ANKRD31: variants seen among roughly 807,000 people sequenced by gnomAD.
ANKRD31 encodes ankyrin repeat domain 31.
ANKRD31 carries 147 observed loss-of-function variants against 186.0 expected under a neutral mutation model. The ratio of observed to expected loss-of-function variants is 0.79; its 90% CI spans 0.69 to 0.91. ANKRD31 has a LOEUF of 0.91. Among genes scored for constraint, ANKRD31 ranks in the 40% least tolerant of loss-of-function variants. The probability of loss-of-function intolerance (pLI) is 0.00; values close to 1 mark genes in which losing one functional copy is unlikely to be tolerated. For synonymous variants in ANKRD31, 673 were observed against 736.4 expected (o/e 0.91, Z 1.39); for missense variants, 1,986 against 2,148.8 (o/e 0.92, Z 1.50).
rs1180434212 is a variant in ANKRD31 at position 75,146,949 on chromosome 5, ACTT to A, written c.2459_2461del (p.Glu820del). The stretch of plus-strand genomic sequence containing the variant: ...AACAGATTCTAATTCCAAGCATTGA[ACTT>A]CTTGACTATCTGATAAATCCAGGTT... On this transcript the variant is annotated inframe_deletion, in exon 14 of 26. Coordinates refer to ENST00000506364, the MANE Select transcript of ANKRD31 (RefSeq NM_001372053.1). The A allele has an allele frequency of 6.5e-7, 1 of 1,536,334 alleles. No homozygotes were observed. Among genetic ancestry groups the A allele is most frequent in the Non-Finnish European group, 8.7e-7 (1 of 1,146,326 alleles).
intron 11 of ANKRD31, among the ~76,000 whole-genome samples, chr5:75,157,726 T>C (rs1752282363): frequency 6.6e-6 from 1 of 152,178 alleles, no homozygotes; most frequent in Admixed American, 6.6e-5. Flanking sequence ...TGAAAGACCC[T>C]GTTGTCTAAT....
At chr5:75,149,200 T>C (rs1280667925) in intron 12 of ANKRD31, among the ~76,000 whole-genome samples, 1 of 151,824 alleles carries the variant, frequency 6.6e-6, no homozygotes, top group East Asian at 1.9e-4. Flanking sequence ...CTTTATGTAA[T>C]AAAAGTAGCA....
intron 23 of ANKRD31, among the ~76,000 whole-genome samples, chr5:75,088,399 C>A (rs528728949): frequency 6.6e-6 from 1 of 152,310 alleles, no homozygotes; most frequent in South Asian, 2.1e-4. Flanking sequence ...AAAATAGCAG[C>A]CTACTTTTCA....
intron 15 of ANKRD31, 112 bp from the exon 16 acceptor site, chr5:75,139,095 T>G (rs891935571): frequency 5.2e-6 from 6 of 1,144,348 alleles, no homozygotes; most frequent in African/African-American, 3.1e-5. Context: ...CAGAAACATA[T>G]ATCAATTAAT....
intron 15 of ANKRD31, among the ~76,000 whole-genome samples, chr5:75,140,995 G>A (rs1295527667): frequency 6.6e-6 from 1 of 152,144 alleles, no homozygotes; most frequent in Non-Finnish European, 1.5e-5. Context: ...GTGTAATAGA[G>A]ACAACTACTG....
At chr5:75,178,699 A>C (rs1754023492) in intron 10 of ANKRD31, among the ~76,000 whole-genome samples, 2 of 152,230 alleles carry the variant, frequency 1.3e-5, no homozygotes, top group Non-Finnish European at 2.9e-5. Context: ...GAACAAAGAC[A>C]CAACATACCA....
At chr5:75,220,215 G>A (rs1228459056) in intron 3 of ANKRD31, among the ~76,000 whole-genome samples, 1 of 152,108 alleles carries the variant, frequency 6.6e-6, no homozygotes, top group African/African-American at 2.4e-5. Flanking sequence ...CCTACAGAAT[G>A]GTAGAAAACA....
intron 2 of ANKRD31, among the ~76,000 whole-genome samples, chr5:75,222,926 T>G (rs1240643847): frequency 6.6e-6 from 1 of 152,238 alleles, no homozygotes; most frequent in African/African-American, 2.4e-5. Context: ...GTCTTTATAG[T>G]ACAATGACTT....
chr5:75,110,956 AGTTACAACTCT>A (rs1486590045), intron 20 of ANKRD31, among the ~76,000 whole-genome samples: 1 of 151,738 alleles, frequency 6.6e-6, no homozygotes, highest in Non-Finnish European at 1.5e-5. Flanking sequence ...TTTGACCAAT[AGTTACAACTCT>A]GTTAATCTTT....
intron 17 of ANKRD31, among the ~76,000 whole-genome samples, chr5:75,132,294 T>C (rs549118722): frequency 1.1e-4 from 17 of 152,172 alleles, no homozygotes; most frequent in Non-Finnish European, 2.4e-4. Flanking sequence ...AATGGCTAAC[T>C]AGAATAAACA....
chr5:75,084,002 G>A (rs73127363), intron 24 of ANKRD31, among the ~76,000 whole-genome samples: 48,076 of 152,012 alleles, frequency 0.32, 12,222 homozygotes, highest in African/African-American at 0.71. Context: ...TCCAGAAATC[G>A]GGAGGAGCAG....
intron 4 of ANKRD31, among the ~76,000 whole-genome samples, chr5:75,209,961 C>T (rs1156889692): frequency 6.6e-6 from 1 of 152,198 alleles, no homozygotes; most frequent in Non-Finnish European, 1.5e-5. Context: ...CCCACCATTA[C>T]TTTAGCACTA....
chr5:75,099,717 G>A (rs923504155), intron 22 of ANKRD31, among the ~76,000 whole-genome samples: 6 of 152,074 alleles, frequency 3.9e-5, no homozygotes, highest in East Asian at 1.9e-4. Flanking sequence ...GTTTATTTGC[G>A]TATAGGTGTT....
At chr5:75,139,936 A>G (rs1212126350) in intron 15 of ANKRD31, among the ~76,000 whole-genome samples, 1 of 152,182 alleles carries the variant, frequency 6.6e-6, no homozygotes, top group Admixed American at 6.6e-5. Context: ...CACTTCTCTT[A>G]TCCCAGATCT....
chr5:75,233,157 G>C (rs1378064748), intron 1 of ANKRD31, among the ~76,000 whole-genome samples: 1 of 151,762 alleles, frequency 6.6e-6, no homozygotes, highest in Non-Finnish European at 1.5e-5. Flanking sequence ...CCGCCTTCCA[G>C]GTTCAAGCGA....
intron 24 of ANKRD31, among the ~76,000 whole-genome samples, chr5:75,080,940 T>C (rs72768328): frequency 3.5e-4 from 54 of 152,224 alleles, no homozygotes; most frequent in African/African-American, 8.4e-4. Context: ...TTTTAGACTT[T>C]CTGGTCTCTA....
intron 19 of ANKRD31, 79 bp downstream of exon 19, chr5:75,116,487 A>T (rs1748279958): frequency 1.5e-6 from 1 of 684,108 alleles, no homozygotes. Flanking sequence ...AAGTACTGCC[A>T]TTAGCCAATA....
At chr5:75,235,344 T>C (rs1173917541) in intron 1 of ANKRD31, among the ~76,000 whole-genome samples, 3 of 150,612 alleles carry the variant, frequency 2.0e-5, no homozygotes, top group Non-Finnish European at 3.0e-5. Context: ...CTGTTTCTCA[T>C]TACAACCAAA....
intron 23 of ANKRD31, among the ~76,000 whole-genome samples, chr5:75,086,436 T>C (rs1745487503): frequency 1.3e-5 from 2 of 152,236 alleles, no homozygotes; most frequent in Admixed American, 1.3e-4. Flanking sequence ...AGTCATTACA[T>C]TTGTGTATGA....
Sources: gnomAD v4.1 joint callset for allele counts (sites outside exome capture counted in the v4.1 genomes callset) on GRCh38, gnomAD v4.1.1 for gene constraint, MANE v1.5 for transcripts, NCBI Gene and HGNC (gene_info 2026-07-23, HGNC 2026-07-21) for gene names.